The following GNA14 variants were observed in gnomAD, a reference collection of about 807,000 sequenced individuals.
GNA14 encodes guanine nucleotide-binding protein subunit alpha-14.
GNA14 carries 50 observed loss-of-function variants against 42.0 expected under a neutral mutation model. That is an observed-to-expected ratio of 1.19 (90% CI 0.95 to 1.51). GNA14 has a LOEUF of 1.51. Among genes scored for constraint, GNA14 ranks in the 40% most tolerant of loss-of-function variants. The probability of loss-of-function intolerance (pLI) is 0.00; values close to 1 mark genes in which losing one functional copy is unlikely to be tolerated. For synonymous variants in GNA14, 173 were observed against 163.1 expected (o/e 1.06, Z -0.46); for missense variants, 473 against 446.2 (o/e 1.06, Z -0.54).
At chr9:77,552,173 A>G (rs1328219674) in intron 1 of GNA14, among the ~76,000 whole-genome samples, 1 of 151,960 alleles carries the variant, frequency 6.6e-6, no homozygotes, top group East Asian at 1.9e-4. Flanking sequence ...AATTCAACAC[A>G]AACAATCAAT....
intron 2 of GNA14, among the ~76,000 whole-genome samples, chr9:77,503,779 T>C (rs1837013542): frequency 6.6e-6 from 1 of 151,674 alleles, no homozygotes; most frequent in Non-Finnish European, 1.5e-5. Flanking sequence ...CCTGAATAGC[T>C]AGGATTACAG....
chr9:77,506,635 C>G (rs1317436060), intron 2 of GNA14, among the ~76,000 whole-genome samples: 1 of 152,060 alleles, frequency 6.6e-6, no homozygotes, highest in African/African-American at 2.4e-5. Context: ...CGAGATCAGG[C>G]CACTACACTC....
At chr9:77,551,206 C>G (rs1197397850) in intron 1 of GNA14, among the ~76,000 whole-genome samples, 1 of 152,172 alleles carries the variant, frequency 6.6e-6, no homozygotes, top group Non-Finnish European at 1.5e-5. Flanking sequence ...GGCTAGCATG[C>G]TTTGACACAG....
intron 2 of GNA14, among the ~76,000 whole-genome samples, chr9:77,435,694 T>C (rs554619787): frequency 1.1e-3 from 173 of 152,252 alleles, no homozygotes; most frequent in African/African-American, 3.9e-3. Context: ...TCTACATACA[T>C]TATCTCATTT....
chr9:77,596,907 G>A (rs1823475427), intron 1 of GNA14, among the ~76,000 whole-genome samples: 1 of 152,174 alleles, frequency 6.6e-6, no homozygotes, highest in Non-Finnish European at 1.5e-5. Context: ...TTTGCTTCGA[G>A]TTGTCACACC....
chr9:77,471,149 A>G (rs1836322981), intron 2 of GNA14, among the ~76,000 whole-genome samples: 1 of 152,194 alleles, frequency 6.6e-6, no homozygotes, highest in Non-Finnish European at 1.5e-5. Flanking sequence ...GTGAAGGGAC[A>G]ATACTGGAAG....
rs140078098 is a variant in GNA14 at position 77,647,712 on chromosome 9, C to G, written c.82G>C (p.Asp28His). 1.1e-5 allele frequency: 18 copies of G among 1,610,240 alleles called. No individual in the cohort carries two copies. Among genetic ancestry groups the G allele is most frequent in the East Asian group, 2.2e-5 (1 of 44,766 alleles). ...SAEIERQLRR[D>H]KKDARRELKL... The stretch of plus-strand genomic sequence containing the variant: ...AGCTCACGGCGCGCGTCCTTCTTGT[C>G]CCGACGAAGCTGTCGCTCGATCTCC... The change falls in exon 1 of 7, where the codon GAC becomes CAC. Residue 28 changes from aspartate (D) to histidine (H), a missense_variant. Coordinates refer to ENST00000341700, the MANE Select transcript of GNA14 (RefSeq NM_004297.4).
At chr9:77,462,082 T>C (rs1457231522) in intron 2 of GNA14, among the ~76,000 whole-genome samples, 7 of 152,186 alleles carry the variant, frequency 4.6e-5, no homozygotes, top group Non-Finnish European at 7.3e-5. Flanking sequence ...ATAGACAAGA[T>C]CTTCTAGGTA....
At chr9:77,639,737 C>T (rs556011742) in intron 1 of GNA14, among the ~76,000 whole-genome samples, 17 of 152,328 alleles carry the variant, frequency 1.1e-4, no homozygotes, top group African/African-American at 3.1e-4. Context: ...TGCCCTTTTG[C>T]GGAGCCTCCT....
At chr9:77,608,902 C>T (rs997861271) in intron 1 of GNA14, among the ~76,000 whole-genome samples, 3 of 152,072 alleles carry the variant, frequency 2.0e-5, no homozygotes, top group South Asian at 2.1e-4. Context: ...TCCCCATTCC[C>T]GGCTTCTGTT....
At chr9:77,478,183 C>A (rs370622426) in intron 2 of GNA14, among the ~76,000 whole-genome samples, 1 of 151,724 alleles carries the variant, frequency 6.6e-6, no homozygotes. Context: ...CCTCCTCCCC[C>A]CACCCCACAA....
At chr9:77,540,764 G>C (rs1263314261) in intron 1 of GNA14, among the ~76,000 whole-genome samples, 1 of 152,012 alleles carries the variant, frequency 6.6e-6, no homozygotes, top group Non-Finnish European at 1.5e-5. Context: ...CCTGACATAA[G>C]TATAGTTACT....
chr9:77,573,077 T>C (rs1450714547), intron 1 of GNA14, among the ~76,000 whole-genome samples: 2 of 152,206 alleles, frequency 1.3e-5, no homozygotes, highest in East Asian at 3.8e-4. Context: ...AATCCTTGAA[T>C]GCTTTCAGAG....
At chr9:77,508,109 C>T (rs755881013) in intron 2 of GNA14, among the ~76,000 whole-genome samples, 1 of 152,210 alleles carries the variant, frequency 6.6e-6, no homozygotes, top group Non-Finnish European at 1.5e-5. Context: ...TGCTCTCTCT[C>T]ATTCTCTATC....
Position 77,482,613 on chromosome 9 carries a change from T to C in GNA14, c.309+46456A>G, listed in dbSNP as rs371937542. On this transcript the variant is annotated intron_variant, in intron 2 of 6. Transcript: ENST00000341700. ...CTGAATGTTGGCCTGCCTTGCTAGA[T>C]TGGGGAAGTTCTCCTGGATAATATC... 1.9e-3 allele frequency among the ~76,000 whole-genome samples: 288 copies of C among 152,300 alleles called. 1 individual carries two copies. In the Middle Eastern group the frequency reaches 0.02, roughly 11 times the overall value.
intron 1 of GNA14, among the ~76,000 whole-genome samples, chr9:77,647,154 C>A (rs1175666412): frequency 6.6e-6 from 1 of 152,212 alleles, no homozygotes; most frequent in Non-Finnish European, 1.5e-5. Context: ...TTCTCCAGGC[C>A]TCCATGTTTT....
intron 2 of GNA14, among the ~76,000 whole-genome samples, chr9:77,485,947 T>C (rs1209364332): frequency 2.0e-5 from 3 of 152,182 alleles, no homozygotes; most frequent in African/African-American, 7.2e-5. Flanking sequence ...CCTAGGGTTT[T>C]AGAATGGTAA....
At chr9:77,433,309 G>A (rs970178877) in intron 3 of GNA14, among the ~76,000 whole-genome samples, 3 of 152,176 alleles carry the variant, frequency 2.0e-5, no homozygotes, top group Admixed American at 1.3e-4. Context: ...ACTTTAAGAA[G>A]GACCCATATC....
At chr9:77,603,599 C>G (rs191525996) in intron 1 of GNA14, among the ~76,000 whole-genome samples, 1 of 151,952 alleles carries the variant, frequency 6.6e-6, no homozygotes, top group Non-Finnish European at 1.5e-5. Context: ...TAAACTGAGA[C>G]GAGTTAAGAA....
Sources: allele counts gnomAD v4.1 joint callset (sites outside exome capture counted in the v4.1 genomes callset), GRCh38; gene constraint gnomAD v4.1.1; transcripts MANE v1.5; gene names NCBI Gene and HGNC (gene_info 2026-07-23, HGNC 2026-07-21).